Variants in SOX5 observed in about 807,000 individuals in gnomAD.
SOX5 encodes the protein transcription factor SOX-5.
SOX5 carries 9 observed loss-of-function variants against 92.0 expected under a neutral mutation model. The ratio of observed to expected loss-of-function variants is 0.10; its 90% CI spans 0.06 to 0.17. The LOEUF (loss-of-function observed/expected upper bound fraction) is 0.17. Among genes scored for constraint, SOX5 ranks in the 10% least tolerant of loss-of-function variants. The pLI is 1.00. For synonymous variants in SOX5, 344 were observed against 336.3 expected, an observed-to-expected ratio of 1.02 and a Z score of -0.25; for missense variants, 642 against 944.5, an observed-to-expected ratio of 0.68 and a Z score of 4.20.
intron 7 of SOX5, among the ~76,000 whole-genome samples, chr12:23,663,008 A>G (rs986738682): frequency 1.3e-5 from 2 of 152,172 alleles, no homozygotes; most frequent in African/African-American, 4.8e-5. Context: ...AAATCAGGAA[A>G]TCCCACTGAA....
At chr12:23,837,142 T>A (rs2096429231) in intron 3 of SOX5, among the ~76,000 whole-genome samples, 1 of 145,540 alleles carries the variant, frequency 6.9e-6, no homozygotes, top group African/African-American at 2.5e-5. Flanking sequence ...TTGAAGCCAA[T>A]GTAGCTTACC....
chr12:24,439,866 G>A (rs1940176738), intron 1 of SOX5, among the ~76,000 whole-genome samples: 1 of 152,128 alleles, frequency 6.6e-6, no homozygotes, highest in South Asian at 2.1e-4. Flanking sequence ...CTGCACTCCA[G>A]CCTGGGCACC....
chr12:23,864,088 G>T (rs776121317), intron 2 of SOX5, among the ~76,000 whole-genome samples: 1 of 151,246 alleles, frequency 6.6e-6, no homozygotes, highest in African/African-American at 2.4e-5. Context: ...GGTAATTCTT[G>T]CAATATTCCC....
rs74684079 is a variant in SOX5, at chr12:24,363,093, A to G, written c.-174+5470T>C. Among the ~76,000 whole-genome samples the G allele has an allele frequency of 1.2e-3, 181 of 151,970 alleles. 3 individuals carry two copies. The East Asian group carries it at 0.033, about 28-fold the overall frequency. On this transcript the variant is annotated intron_variant, in intron 2 of 4. Coordinates refer to the SOX5 transcript ENST00000446891. ...AACATTTATAATTATAGAGCTACTA[A>G]CTTTATCCTTACTGTTATTTAAATA... is the stretch of plus-strand genomic sequence containing the variant.
At chr12:23,677,840 C>A (rs914111643) in intron 6 of SOX5, among the ~76,000 whole-genome samples, 2 of 150,700 alleles carry the variant, frequency 1.3e-5, no homozygotes, top group Non-Finnish European at 3.0e-5. Context: ...TGGTAAGAAG[C>A]GTTCCCGCAA....
intron 1 of SOX5, among the ~76,000 whole-genome samples, chr12:23,933,649 A>G (rs1482448050): frequency 1.3e-5 from 2 of 151,614 alleles, no homozygotes; most frequent in African/African-American, 2.4e-5. Flanking sequence ...CAGTAAATAT[A>G]AAGTTTTCAT....
chr12:24,367,665 A>C (rs370454351), intron 2 of SOX5, among the ~76,000 whole-genome samples: 1 of 152,276 alleles, frequency 6.6e-6, no homozygotes, highest in East Asian at 1.9e-4. Context: ...TTGCCAAGAA[A>C]AGAGACATGT....
At chr12:24,125,430 T>C (rs1284673823) in intron 4 of SOX5, among the ~76,000 whole-genome samples, 2 of 152,170 alleles carry the variant, frequency 1.3e-5, no homozygotes, top group Non-Finnish European at 2.9e-5. Context: ...ATTTAGCAAA[T>C]AGTTACTGAG....
At chr12:23,874,667 G>A (rs2096908477) in intron 2 of SOX5, among the ~76,000 whole-genome samples, 1 of 152,156 alleles carries the variant, frequency 6.6e-6, no homozygotes, top group Non-Finnish European at 1.5e-5. Flanking sequence ...AGATGATGCA[G>A]ATCCTAAGAT....
intron 1 of SOX5, among the ~76,000 whole-genome samples, chr12:24,397,154 T>C (rs930108101): frequency 2.6e-5 from 4 of 152,212 alleles, no homozygotes; most frequent in African/African-American, 9.6e-5. Context: ...AGAAAAAGTC[T>C]TCTGACTTCC....
At chr12:24,218,736 A>T (rs567633908) in intron 3 of SOX5, among the ~76,000 whole-genome samples, 2 of 152,246 alleles carry the variant, frequency 1.3e-5, no homozygotes, top group African/African-American at 4.8e-5. Context: ...ATATACATCT[A>T]CCTTGAAAAA....
intron 4 of SOX5, among the ~76,000 whole-genome samples, chr12:24,188,564 A>G (rs1019392813): frequency 2.0e-5 from 3 of 152,210 alleles, no homozygotes; most frequent in Non-Finnish European, 4.4e-5. Flanking sequence ...ATAGTAAGTC[A>G]ACATAAAAAT....
chr12:23,772,135 G>A (rs2094954000), intron 3 of SOX5, among the ~76,000 whole-genome samples: 1 of 152,172 alleles, frequency 6.6e-6, no homozygotes, highest in Admixed American at 6.5e-5. Flanking sequence ...ATCTACAAAT[G>A]TGAAATTCTT....
chr12:24,280,930 C>A (rs1327223381), intron 2 of SOX5, among the ~76,000 whole-genome samples: 1 of 148,128 alleles, frequency 6.8e-6, no homozygotes, highest in East Asian at 2.0e-4. Context: ...TAGGGCAACC[C>A]AGTACAAATG....
At chr12:24,312,729 A>T (rs1949311504) in intron 2 of SOX5, among the ~76,000 whole-genome samples, 1 of 152,250 alleles carries the variant, frequency 6.6e-6, no homozygotes, top group South Asian at 2.1e-4. Context: ...TATTTTAATT[A>T]TCATCAAATA....
At chr12:24,377,522 G>A (rs1013209116) in intron 1 of SOX5, among the ~76,000 whole-genome samples, 3 of 152,146 alleles carry the variant, frequency 2.0e-5, no homozygotes, top group Non-Finnish European at 4.4e-5. Flanking sequence ...GTGTATAGAC[G>A]CAAAGTTGAA....
chr12:24,337,466 A>G (rs2141035995), intron 2 of SOX5, among the ~76,000 whole-genome samples: 1 of 151,846 alleles, frequency 6.6e-6, no homozygotes. Context: ...TCAGCTTCCC[A>G]AGTAGCTGGG....
At chr12:23,722,318 C>T (rs939608983) in intron 6 of SOX5, among the ~76,000 whole-genome samples, 2 of 152,060 alleles carry the variant, frequency 1.3e-5, no homozygotes, top group Non-Finnish European at 2.9e-5. Context: ...ATATTTTAAA[C>T]ATACATGCTA....
At chr12:23,980,991 C>T (rs1341177632) in intron 4 of SOX5, among the ~76,000 whole-genome samples, 3 of 152,032 alleles carry the variant, frequency 2.0e-5, no homozygotes, top group Non-Finnish European at 4.4e-5. Flanking sequence ...AGTGTCATGG[C>T]CAAAACAGGA....
Sources: gnomAD v4.1 joint callset for allele counts (sites outside exome capture counted in the v4.1 genomes callset) on GRCh38, gnomAD v4.1.1 for gene constraint, MANE v1.5 for transcripts, NCBI Gene and HGNC (gene_info 2026-07-23, HGNC 2026-07-21) for gene names.